RPS6KA5: variants seen among roughly 807,000 people sequenced by gnomAD.
RPS6KA5 encodes ribosomal protein S6 kinase alpha-5.
Under a neutral mutation model 85.5 loss-of-function variants are expected in RPS6KA5, and 27 were observed. The ratio of observed to expected loss-of-function variants is 0.32; its 90% CI spans 0.23 to 0.44. RPS6KA5 has a LOEUF of 0.44. Ranked by LOEUF, RPS6KA5 falls within the 20% of genes least tolerant of loss-of-function variation. The probability of loss-of-function intolerance (pLI) is 1.00; values close to 1 mark genes in which losing one functional copy is unlikely to be tolerated. For missense variants in RPS6KA5, 811 were observed against 980.9 expected (o/e 0.83, Z 2.31); for synonymous variants, 334 against 348.2 (o/e 0.96, Z 0.46).
chr14:91,010,770 G>A (rs980619010), intron 1 of RPS6KA5, among the ~76,000 whole-genome samples: 2 of 152,168 alleles, frequency 1.3e-5, no homozygotes, highest in African/African-American at 4.8e-5. Flanking sequence ...AAAACCCATG[G>A]GAAAATGGAA....
chr14:90,857,535 G>T lies in RPS6KA5; in HGVS notation c.*14539C>A, dbSNP rs80075472. 2.0e-3 allele frequency: 302 copies of T among 152,278 alleles called. 4 individuals carry two copies. The highest frequency in any genetic ancestry group is 7.0e-3 in the African/African-American group (291 of 41,542). 9.4% of individuals were successfully genotyped at this position (152,278 alleles called of 1,614,324 possible). On this transcript the variant is annotated 3_prime_UTR_variant, in exon 17 of 17. Coordinates refer to ENST00000614987, the MANE Select transcript of RPS6KA5 (RefSeq NM_004755.4). ...TTTCAACTCAAATTGTCAAATAATT[G>T]TGCTCCCGGTGAGATTTTTATGTAA...
At chr14:90,997,481 CA>C (rs1451288662) in intron 2 of RPS6KA5, among the ~76,000 whole-genome samples, 1 of 152,106 alleles carries the variant, frequency 6.6e-6, no homozygotes, top group Non-Finnish European at 1.5e-5. Context: ...CCTGTTCAAG[CA>C]ATCCTCCCAC....
At chr14:91,041,957 A>G (rs2042622194) in intron 1 of RPS6KA5, among the ~76,000 whole-genome samples, 1 of 152,334 alleles carries the variant, frequency 6.6e-6, no homozygotes, top group East Asian at 1.9e-4. Flanking sequence ...TTCCCAATAC[A>G]TGTACCAAAT....
At chr14:90,873,896 T>G (rs2033285852) in intron 15 of RPS6KA5, 101 bp from the exon 16 acceptor site, 1 of 1,004,024 alleles carries the variant, frequency 1.0e-6, no homozygotes, top group South Asian at 1.6e-5. Context: ...GACATAATGG[T>G]TTCTATATAG....
At chr14:91,020,904 TTCA>T (rs1430193645) in intron 1 of RPS6KA5, among the ~76,000 whole-genome samples, 5 of 152,136 alleles carry the variant, frequency 3.3e-5, no homozygotes, top group Non-Finnish European at 2.9e-5. Context: ...TCACTGGCAC[TTCA>T]TCATCATTCA....
At chr14:90,996,765 G>C (rs1002017944) in intron 2 of RPS6KA5, among the ~76,000 whole-genome samples, 46 of 152,072 alleles carry the variant, frequency 3.0e-4, no homozygotes, top group Admixed American at 7.2e-4. Context: ...TGGAAAGTCA[G>C]GTAAACATTG....
At chr14:90,984,054 C>T (rs2039956243) in intron 2 of RPS6KA5, among the ~76,000 whole-genome samples, 1 of 152,098 alleles carries the variant, frequency 6.6e-6, no homozygotes, top group Admixed American at 6.5e-5. Flanking sequence ...CCATGTTGGC[C>T]AGGCTGGTCT....
At chr14:91,005,951 A>AG (rs11412590) in intron 1 of RPS6KA5, among the ~76,000 whole-genome samples, 148,538 of 152,306 alleles carry the variant, frequency 0.98, 72,454 homozygotes, top group East Asian at 1. Flanking sequence ...CTGCATGCCT[A>AG]GATCAGACTG....
intron 7 of RPS6KA5, among the ~76,000 whole-genome samples, chr14:90,906,735 T>G (rs1207542218): frequency 4.6e-5 from 7 of 152,104 alleles, no homozygotes; most frequent in African/African-American, 1.7e-4. Context: ...CATCTTTACC[T>G]CACTCCTCTT....
intron 4 of RPS6KA5, among the ~76,000 whole-genome samples, chr14:90,946,951 G>A (rs1024522830): frequency 2.0e-5 from 3 of 152,210 alleles, no homozygotes; most frequent in Non-Finnish European, 2.9e-5. Flanking sequence ...GAGAGGGAGT[G>A]GGAGCAAGAG....
chr14:90,908,716 T>A (rs1286136), intron 7 of RPS6KA5, among the ~76,000 whole-genome samples: 11 of 152,066 alleles, frequency 7.2e-5, no homozygotes, highest in Admixed American at 3.9e-4. Flanking sequence ...TATACCATAC[T>A]CTTGAAATGT....
intron 14 of RPS6KA5, among the ~76,000 whole-genome samples, chr14:90,881,748 G>A (rs1400399312): frequency 1.3e-5 from 2 of 152,006 alleles, no homozygotes; most frequent in African/African-American, 4.8e-5. Context: ...CGACTCGCCT[G>A]CCTCGGCCTC....
In RPS6KA5 at chr14:90,856,330, A is replaced by G. The variant is rs1236892300; in HGVS notation, c.*15744T>C. The G allele has an allele frequency of 6.5e-6, 1 of 153,070 alleles. No homozygotes were observed. The highest frequency in any genetic ancestry group is 2.4e-5 in the African/African-American group (1 of 41,386). 9.5% of individuals were successfully genotyped at this position (153,070 alleles called of 1,614,324 possible). On this transcript the variant is annotated 3_prime_UTR_variant, in exon 17 of 17. Coordinates refer to ENST00000614987, the MANE Select transcript of RPS6KA5 (RefSeq NM_004755.4). The stretch of plus-strand genomic sequence containing the variant: ...CCAGGTGTTAGTACTGACTTCCTCA[A>G]ACTAGCTACAGCCTTTCTAGCTATG...
At chr14:90,961,459 T>A (rs2038790983) in intron 3 of RPS6KA5, among the ~76,000 whole-genome samples, 1 of 152,184 alleles carries the variant, frequency 6.6e-6, no homozygotes, top group Non-Finnish European at 1.5e-5. Flanking sequence ...CATCAGGCAG[T>A]CGGACTTGAT....
At chr14:90,904,894 G>A (rs1269968084) in intron 8 of RPS6KA5, among the ~76,000 whole-genome samples, 1 of 152,116 alleles carries the variant, frequency 6.6e-6, no homozygotes, top group Non-Finnish European at 1.5e-5. Context: ...AGGGAGCAAT[G>A]GAGAAAAAGA....
In RPS6KA5 at chr14:90,989,291, A is replaced by G. The variant is rs150160339; in HGVS notation, c.176-10767T>C. Among the ~76,000 whole-genome samples, 32 of 152,340 alleles carry G rather than the reference A, an allele frequency of 2.1e-4. 1 individual carries two copies. In the East Asian group the frequency reaches 6.2e-3, roughly 29 times the overall value. ...AACTCAAGAAACTCAAGTAAACAACAAGAGTGTCAAGATGCAAACTTGAGT... is the reference window on the plus strand; with the variant it reads ...AACTCAAGAAACTCAAGTAAACAACGAGAGTGTCAAGATGCAAACTTGAGT... On this transcript the variant is annotated intron_variant, in intron 2 of 16. Coordinates refer to ENST00000614987, the MANE Select transcript of RPS6KA5 (RefSeq NM_004755.4).
intron 3 of RPS6KA5, among the ~76,000 whole-genome samples, chr14:90,950,069 T>G (rs764930374): frequency 9.2e-5 from 14 of 152,156 alleles, no homozygotes; most frequent in Non-Finnish European, 1.8e-4. Context: ...TCCACGAACA[T>G]GGGGGATGGC....
At chr14:90,997,303 T>A (rs1183845697) in intron 2 of RPS6KA5, among the ~76,000 whole-genome samples, 1 of 152,232 alleles carries the variant, frequency 6.6e-6, no homozygotes, top group African/African-American at 2.4e-5. Context: ...TGACTTTTTA[T>A]AAAGTACCTG....
At chr14:91,056,713 A>G (rs1326159734) in intron 1 of RPS6KA5, among the ~76,000 whole-genome samples, 2 of 152,156 alleles carry the variant, frequency 1.3e-5, no homozygotes, top group African/African-American at 2.4e-5. Context: ...TACTTACTAA[A>G]TAAGTGGGTA....
Sources: allele counts gnomAD v4.1 joint callset (sites outside exome capture counted in the v4.1 genomes callset), GRCh38; gene constraint gnomAD v4.1.1; transcripts MANE v1.5; gene names NCBI Gene and HGNC (gene_info 2026-07-23, HGNC 2026-07-21).